The following ATRNL1 variants were observed in gnomAD, a reference collection of about 807,000 sequenced individuals.
ATRNL1 encodes attractin-like protein 1.
In ATRNL1, 95 loss-of-function variants were observed where a neutral mutation model predicts 182.7. The observed-to-expected ratio is 0.52, with a 90% CI of 0.44 to 0.62. The LOEUF (loss-of-function observed/expected upper bound fraction) is 0.62. ATRNL1 is among the 20% of genes least tolerant of loss of function. The pLI is 0.00. For missense variants in ATRNL1, 1,471 were observed against 1,679.5 expected (o/e 0.88, Z 2.17); for synonymous variants, 576 against 568.3 (o/e 1.01, Z -0.19).
intron 26 of ATRNL1, among the ~76,000 whole-genome samples, chr10:115,627,028 A>G (rs1165698126): frequency 6.6e-6 from 1 of 152,196 alleles, no homozygotes; most frequent in African/African-American, 2.4e-5. Context: ...TTTACAAAAT[A>G]TTTTTTAGTG....
chr10:115,768,959 A>C (rs80080946), intron 27 of ATRNL1, among the ~76,000 whole-genome samples: 4,807 of 152,072 alleles, frequency 0.032, 228 homozygotes, highest in African/African-American at 0.11. Flanking sequence ...TACTAGTGAA[A>C]AAATTTAAAT....
At chr10:115,529,126 T>C (rs1851417520) in intron 25 of ATRNL1, among the ~76,000 whole-genome samples, 1 of 152,106 alleles carries the variant, frequency 6.6e-6, no homozygotes, top group Non-Finnish European at 1.5e-5. Flanking sequence ...CTATTAGATC[T>C]TGGTGGTTTA....
chr10:115,154,371 A>G (rs1033025445), intron 5 of ATRNL1, among the ~76,000 whole-genome samples: 39 of 152,206 alleles, frequency 2.6e-4, no homozygotes, highest in Admixed American at 2.6e-3. Flanking sequence ...CTCTAAGGAC[A>G]TGCTTTATGA....
intron 20 of ATRNL1, among the ~76,000 whole-genome samples, chr10:115,408,580 A>G (rs1434136792): frequency 6.6e-6 from 1 of 151,860 alleles, no homozygotes; most frequent in Non-Finnish European, 1.5e-5. Flanking sequence ...TGATATAGTT[A>G]TATTTGTTAA....
chr10:115,858,341 A>G (rs1565441109), intron 28 of ATRNL1, among the ~76,000 whole-genome samples: 2 of 152,240 alleles, frequency 1.3e-5, no homozygotes, highest in Non-Finnish European at 2.9e-5. Flanking sequence ...TATATACACC[A>G]TGGAGTACTA....
At chr10:115,494,486 A>G (rs2134668804) in intron 24 of ATRNL1, among the ~76,000 whole-genome samples, 1 of 152,224 alleles carries the variant, frequency 6.6e-6, no homozygotes, top group African/African-American at 2.4e-5. Flanking sequence ...TTTGTCCTTG[A>G]TGGCTCTTGT....
intron 27 of ATRNL1, among the ~76,000 whole-genome samples, chr10:115,737,760 A>AC (rs1948001099): frequency 6.6e-6 from 1 of 151,986 alleles, no homozygotes; most frequent in African/African-American, 2.4e-5. Context: ...GAGGACTCAG[A>AC]CCCCCAATTC....
rs117461783 is a variant in ATRNL1 at position 115,763,518 on chromosome 10, G to A, written c.3903+36163G>A. Among the ~76,000 whole-genome samples, 708 of 152,244 alleles carry A rather than the reference G, an allele frequency of 4.7e-3. 1 individual carries two copies. Among genetic ancestry groups the A allele is most frequent in the Non-Finnish European group, 6.9e-3 (469 of 68,026 alleles). On this transcript the variant is annotated intron_variant, in intron 27 of 28. Coordinates refer to ENST00000355044, the MANE Select transcript of ATRNL1 (RefSeq NM_207303.4). ...GAACAGAGGGCATTCCATTCAAGAG[G>A]GAACATGATCTGGTTGGCCTAGTTG...
At chr10:115,145,250 C>T (rs555487816) in intron 5 of ATRNL1, among the ~76,000 whole-genome samples, 20 of 152,254 alleles carry the variant, frequency 1.3e-4, no homozygotes, top group African/African-American at 4.8e-4. Flanking sequence ...AGATAAGTGA[C>T]TCTTCCTTTT....
intron 27 of ATRNL1, among the ~76,000 whole-genome samples, chr10:115,831,110 C>G (rs1241718078): frequency 6.6e-6 from 1 of 152,136 alleles, no homozygotes; most frequent in Admixed American, 6.5e-5. Context: ...AATGCTCCCA[C>G]CTGCCCTTGT....
At chr10:115,182,098 A>G (rs1442665118) in intron 8 of ATRNL1, among the ~76,000 whole-genome samples, 1 of 151,600 alleles carries the variant, frequency 6.6e-6, no homozygotes, top group Non-Finnish European at 1.5e-5. Context: ...TATTATGTTT[A>G]TATGCCCCAA....
chr10:115,126,302 C>T lies in ATRNL1; in HGVS notation c.492-1291C>T, dbSNP rs1184750171. 2.0e-5 allele frequency among the ~76,000 whole-genome samples: 3 copies of T among 152,208 alleles called. No homozygotes were observed. The East Asian group carries it at 5.8e-4, about 29-fold the overall frequency. ...CCTGATCTCTTGACCTCGTTATCCG[C>T]CTGCCTCCACCTTCCAAAGTACTGG... On this transcript the variant is annotated intron_variant, in intron 3 of 28. Transcript: ENST00000355044.
chr10:115,772,794 G>A (rs782250954), intron 27 of ATRNL1, among the ~76,000 whole-genome samples: 1 of 152,130 alleles, frequency 6.6e-6, no homozygotes, highest in Non-Finnish European at 1.5e-5. Flanking sequence ...CAAGGCCAAA[G>A]AGTACATCTT....
intron 26 of ATRNL1, among the ~76,000 whole-genome samples, chr10:115,587,349 TC>T (rs1483446996): frequency 2.6e-5 from 4 of 151,600 alleles, no homozygotes; most frequent in African/African-American, 9.7e-5. Context: ...CGGGCGCCCC[TC>T]CCCCAGCCTC....
chr10:115,588,595 C>T (rs1317743871), intron 26 of ATRNL1, among the ~76,000 whole-genome samples: 1 of 152,138 alleles, frequency 6.6e-6, no homozygotes, highest in Non-Finnish European at 1.5e-5. Context: ...GTGGTCTAAG[C>T]CCTTTGCTAC....
rs1260694853 is a variant in ATRNL1, at chr10:115,761,473, CCCA to C, written c.3903+34119_3903+34121del. On this transcript the variant is annotated intron_variant, in intron 27 of 28. Transcript: ENST00000355044. The stretch of plus-strand genomic sequence containing the variant: ...CACAAAAATCATAAATAACTTCCCC[CCCA>C]GTTAAATATCGCTGCAATTAAATTC... 7.2e-5 allele frequency among the ~76,000 whole-genome samples: 11 copies of C among 152,110 alleles called. No individual in the cohort carries two copies. In the East Asian group the frequency reaches 2.1e-3, roughly 29 times the overall value.
intron 27 of ATRNL1, among the ~76,000 whole-genome samples, chr10:115,815,451 G>GTGTGTGTGTGTA (rs1950142292): frequency 6.7e-6 from 1 of 148,330 alleles, no homozygotes; most frequent in Non-Finnish European, 1.5e-5. Flanking sequence ...GTGTGTGTGT[G>GTGTGTGTGTGTA]TATTGTAATA....
intron 27 of ATRNL1, among the ~76,000 whole-genome samples, chr10:115,834,325 T>C (rs983859721): frequency 2.7e-4 from 41 of 152,194 alleles, no homozygotes; most frequent in African/African-American, 9.6e-4. Context: ...CTTTGAGCCA[T>C]ATTATTTTAG....
chr10:115,369,555 A>T (rs1030448527), intron 19 of ATRNL1, among the ~76,000 whole-genome samples: 1 of 152,166 alleles, frequency 6.6e-6, no homozygotes, highest in East Asian at 1.9e-4. Flanking sequence ...TATCTCTTTG[A>T]AAATTGATTT....
Sources: gnomAD v4.1 joint callset for allele counts (sites outside exome capture counted in the v4.1 genomes callset) on GRCh38, gnomAD v4.1.1 for gene constraint, MANE v1.5 for transcripts, NCBI Gene and HGNC (gene_info 2026-07-23, HGNC 2026-07-21) for gene names.